The following PTPRO variants were observed in gnomAD, a reference collection of about 807,000 sequenced individuals.
PTPRO encodes receptor-type tyrosine-protein phosphatase O.
In PTPRO, 62 loss-of-function variants were observed where a neutral mutation model predicts 145.2. That is an observed-to-expected ratio of 0.43 (90% confidence interval 0.35 to 0.53). The LOEUF (loss-of-function observed/expected upper bound fraction) is 0.53, where lower values mean the gene tolerates loss of function less well. Ranked by LOEUF, PTPRO falls within the 20% of genes least tolerant of loss-of-function variation. The pLI is 0.01. For synonymous variants in PTPRO, 565 were observed against 514.7 expected, an observed-to-expected ratio of 1.10 and a Z score of -1.32; for missense variants, 1,345 against 1,482.7, an observed-to-expected ratio of 0.91 and a Z score of 1.53.
At chr12:15,412,991 C>T (rs1324161562) in intron 1 of PTPRO, among the ~76,000 whole-genome samples, 3 of 152,066 alleles carry the variant, frequency 2.0e-5, no homozygotes, top group Non-Finnish European at 2.9e-5. Flanking sequence ...TGGGGTTTCC[C>T]CATGTTGGCC....
chr12:15,561,809 A>G lies in PTPRO; in HGVS notation c.2711+1533A>G, dbSNP rs1203178254. Among the ~76,000 whole-genome samples, 6 of 152,164 alleles carry G rather than the reference A, an allele frequency of 3.9e-5. No homozygotes were observed. In the South Asian group the frequency reaches 6.2e-4, roughly 16 times the overall value. ...TGCAAATAAAATGAAAGAAAGATGCATATATCATTTCCTTGCTTAATTCTC... is the reference window on the plus strand; with the variant it reads ...TGCAAATAAAATGAAAGAAAGATGCGTATATCATTTCCTTGCTTAATTCTC... On this transcript the variant is annotated intron_variant, in intron 17 of 26. Coordinates refer to ENST00000281171, the MANE Select transcript of PTPRO (RefSeq NM_030667.3).
chr12:15,479,968 T>C (rs1941743619), intron 1 of PTPRO, among the ~76,000 whole-genome samples: 1 of 152,216 alleles, frequency 6.6e-6, no homozygotes, highest in African/African-American at 2.4e-5. Flanking sequence ...ACTTGAGCCC[T>C]AGATATTTTT....
At chr12:15,390,648 C>T (rs922490197) in intron 1 of PTPRO, among the ~76,000 whole-genome samples, 6 of 152,102 alleles carry the variant, frequency 3.9e-5, no homozygotes, top group African/African-American at 1.4e-4. Flanking sequence ...AGTCTCGTGG[C>T]AGAAAATAAG....
At chr12:15,440,146 T>C (rs1940720849) in intron 1 of PTPRO, 1 of 657,612 alleles carries the variant, frequency 1.5e-6, no homozygotes. Context: ...TCTCAGCCCC[T>C]GTGCCCAAGA....
chr12:15,583,495 AC>A lies in PTPRO; in HGVS notation c.3255+1695del, dbSNP rs67612347. On this transcript the variant is annotated intron_variant, in intron 23 of 26. Transcript: ENST00000281171. ...ACTCTATCTCCACACACACACACAC[AC>A]ACAAAAAAAATCAACAAGAAAAATA... 1.2e-3 allele frequency among the ~76,000 whole-genome samples: 174 copies of A among 141,854 alleles called. 1 individual carries two copies. Among genetic ancestry groups the A allele is most frequent in the Non-Finnish European group, 1.3e-3 (82 of 62,930 alleles). 93.1% of individuals were successfully genotyped at this position (141,854 alleles called of 152,430 possible).
chr12:15,516,697 T>G (rs1942606253), intron 8 of PTPRO, 66 bp from the exon 9 acceptor site: 2 of 1,410,192 alleles, frequency 1.4e-6, no homozygotes, highest in Non-Finnish European at 2.0e-6. Flanking sequence ...AAGTAGAAGT[T>G]TGAGGCCATT....
chr12:15,497,094 A>G (rs1942122280), intron 2 of PTPRO, 151 bp from the exon 3 acceptor site: 1 of 701,504 alleles, frequency 1.4e-6, no homozygotes, highest in Non-Finnish European at 2.5e-6. Context: ...AGAACATTCA[A>G]TTCATGGTTA....
intron 1 of PTPRO, among the ~76,000 whole-genome samples, chr12:15,377,201 T>C (rs982364807): frequency 2.6e-5 from 4 of 151,758 alleles, no homozygotes; most frequent in African/African-American, 9.7e-5. Context: ...AAAATTATAG[T>C]AAAAGAAACA....
At chr12:15,526,376 A>G (rs1442685529) in intron 12 of PTPRO, 114 bp downstream of exon 12, 1 of 1,402,328 alleles carries the variant, frequency 7.1e-7, no homozygotes, top group Non-Finnish European at 1.0e-6. Flanking sequence ...CTAATTTTTT[A>G]TGAGTAGAAA....
intron 1 of PTPRO, 55 bp from the exon 2 acceptor site, chr12:15,483,919 T>C (rs763206801): frequency 1.1e-4 from 173 of 1,552,920 alleles, no homozygotes; most frequent in Non-Finnish European, 1.3e-4. Context: ...CATAACTTTA[T>C]TGCCAATTAT....
chr12:15,509,445 C>T (rs917847552), intron 7 of PTPRO, among the ~76,000 whole-genome samples: 12 of 151,320 alleles, frequency 7.9e-5, no homozygotes, highest in African/African-American at 2.4e-4. Flanking sequence ...ACCTTTAATC[C>T]CAGCACTTTG....
At chr12:15,520,896 A>G (rs879125836) in intron 10 of PTPRO, among the ~76,000 whole-genome samples, 1 of 152,184 alleles carries the variant, frequency 6.6e-6, no homozygotes, top group Non-Finnish European at 1.5e-5. Flanking sequence ...GTTATTATTT[A>G]TTACAACTTC....
intron 23 of PTPRO, among the ~76,000 whole-genome samples, chr12:15,582,601 A>T (rs1944344742): frequency 6.6e-6 from 1 of 152,220 alleles, no homozygotes; most frequent in Admixed American, 6.5e-5. Flanking sequence ...TGAGGACAGA[A>T]GTGTTCTCAT....
chr12:15,331,962 CT>C (rs200334215), intron 1 of PTPRO, among the ~76,000 whole-genome samples: 2,130 of 118,244 alleles, frequency 0.018, 17 homozygotes, highest in African/African-American at 0.04. Context: ...CTCTTTCTTT[CT>C]TTTTTTTTTT....
chr12:15,528,396 G>A (rs1481390884), intron 12 of PTPRO, among the ~76,000 whole-genome samples: 2 of 151,220 alleles, frequency 1.3e-5, no homozygotes, highest in Non-Finnish European at 2.9e-5. Context: ...ATGGTGGCGG[G>A]TGCCTGTAGT....
At chr12:15,434,458 T>C (rs771661995) in intron 1 of PTPRO, among the ~76,000 whole-genome samples, 2 of 152,160 alleles carry the variant, frequency 1.3e-5, no homozygotes, top group Admixed American at 6.5e-5. Flanking sequence ...GGTAAAGTAG[T>C]AAAGATCAGT....
At chr12:15,555,186 T>C (rs1026954760) in intron 15 of PTPRO, among the ~76,000 whole-genome samples, 6 of 151,880 alleles carry the variant, frequency 4.0e-5, no homozygotes, top group African/African-American at 1.5e-4. Context: ...TGCAGTGAGC[T>C]GAGATCGTGC....
intron 1 of PTPRO, among the ~76,000 whole-genome samples, chr12:15,358,891 T>A (rs972154560): frequency 5.9e-5 from 9 of 152,246 alleles, no homozygotes; most frequent in African/African-American, 2.2e-4. Context: ...AAGCACAGTG[T>A]ACATGAACCT....
At chr12:15,584,837 G>A (rs769116807) in intron 23 of PTPRO, among the ~76,000 whole-genome samples, 6 of 152,062 alleles carry the variant, frequency 3.9e-5, no homozygotes, top group Non-Finnish European at 7.4e-5. Context: ...AGGAACTCAA[G>A]GTAAGAGAAA....
Sources: allele counts gnomAD v4.1 joint callset (sites outside exome capture counted in the v4.1 genomes callset), GRCh38; gene constraint gnomAD v4.1.1; transcripts MANE v1.5; gene names NCBI Gene and HGNC (gene_info 2026-07-23, HGNC 2026-07-21).